Variants in KCNH3 observed in about 807,000 individuals in gnomAD.
KCNH3 encodes voltage-gated inwardly rectifying potassium channel KCNH3.
KCNH3 carries 36 observed loss-of-function variants against 95.6 expected under a neutral mutation model. The ratio of observed to expected loss-of-function variants is 0.38; its 90% confidence interval spans 0.29 to 0.50. The LOEUF (loss-of-function observed/expected upper bound fraction) is 0.50. Among genes scored for constraint, KCNH3 ranks in the 20% least tolerant of loss-of-function variants. The pLI is 0.95. For synonymous variants in KCNH3, 620 were observed against 646.3 expected, an observed-to-expected ratio of 0.96 and a Z score of 0.62; for missense variants, 1,030 against 1,484.1, an observed-to-expected ratio of 0.69 and a Z score of 5.03.
chr12:49,542,979 G>A, intron 4 of KCNH3, 140 bp downstream of exon 4: 2 of 1,181,788 alleles, frequency 1.7e-6, no homozygotes, highest in African/African-American at 1.5e-5. Context: ...GACTGAAGGA[G>A]GGAAGATCAC....
chr12:49,550,043 T>TAG, intron 9 of KCNH3, 37 bp from the exon 10 acceptor site: 29 of 1,299,506 alleles, frequency 2.2e-5, no homozygotes, highest in Non-Finnish European at 2.6e-5. Flanking sequence ...CTTCTGCCAC[T>TAG]CCCAACCCCC....
chr12:49,543,135 T>C, intron 4 of KCNH3, 140 bp from the exon 5 acceptor site: 2 of 963,006 alleles, frequency 2.1e-6, no homozygotes, highest in Non-Finnish European at 3.1e-6. Flanking sequence ...AAAATGGAGA[T>C]GCTAATGCCA....
chr12:49,548,368 C>G (rs956740705), intron 7 of KCNH3, among the ~76,000 whole-genome samples: 3 of 152,110 alleles, frequency 2.0e-5, no homozygotes, highest in African/African-American at 7.2e-5. Flanking sequence ...GTGTGCATGT[C>G]CATGCAGGCG....
rs1937790866 is a variant in KCNH3, at chr12:49,539,406, G to C, written c.-11G>C. 6.5e-7 allele frequency: 1 copy of C among 1,539,536 alleles called. No homozygotes were observed. Among genetic ancestry groups the C allele is most frequent in the East Asian group, 2.7e-5 (1 of 37,020 alleles). On this transcript the variant is annotated 5_prime_UTR_variant, in exon 1 of 15. Coordinates refer to ENST00000257981, the MANE Select transcript of KCNH3 (RefSeq NM_012284.3). The surrounding 1 kb of genome is among the most constrained non-coding windows in gnomAD (Gnocchi z 6.7). ...CCGGAGGGATGGGGCGGGCAGCCGC[G>C]GGCGCCTAAGATGCCGGCCATGCGG...
chr12:49,554,285 T>G (rs1286109757), intron 10 of KCNH3, 52 bp from the exon 11 acceptor site: 2 of 1,455,288 alleles, frequency 1.4e-6, no homozygotes, highest in Non-Finnish European at 1.9e-6. Context: ...CCCTCTTCTC[T>G]CCTCATGGCT....
At position 49,551,106 on chromosome 12, in the gene KCNH3, C is replaced by A. The variant is rs552153454; in HGVS notation, c.1918+777C>A. Among the ~76,000 whole-genome samples, 6 of 152,306 alleles carry A rather than the reference C, an allele frequency of 3.9e-5. No homozygotes were observed. The East Asian group carries it at 1.2e-3, about 29-fold the overall frequency. ...GGAATCGGCCAGCCGGGGCTGGAGC[C>A]CCATCCACCTGGCGCCAAGTCTCAT... is the stretch of plus-strand genomic sequence containing the variant. On this transcript the variant is annotated intron_variant, in intron 10 of 14. Transcript: ENST00000257981.
intron 10 of KCNH3, among the ~76,000 whole-genome samples, chr12:49,552,217 G>A (rs181637556): frequency 7.2e-5 from 11 of 152,336 alleles, no homozygotes; most frequent in African/African-American, 2.2e-4. Flanking sequence ...GCCTGGAGCC[G>A]AGGGAGTTGT....
intron 10 of KCNH3, among the ~76,000 whole-genome samples, chr12:49,550,671 A>C (rs1367424048): frequency 6.6e-6 from 1 of 152,132 alleles, no homozygotes; most frequent in East Asian, 1.9e-4. Flanking sequence ...GGAGAGTGTC[A>C]GGCAGGGCTA....
intron 7 of KCNH3, among the ~76,000 whole-genome samples, chr12:49,548,501 T>C (rs1261761110): frequency 6.6e-6 from 1 of 151,074 alleles, no homozygotes; most frequent in Non-Finnish European, 1.5e-5. Context: ...GGAAGAGGAG[T>C]CCCGTTGGAC....
chr12:49,553,069 G>A (rs1418340708), intron 10 of KCNH3, among the ~76,000 whole-genome samples: 1 of 152,142 alleles, frequency 6.6e-6, no homozygotes, highest in Non-Finnish European at 1.5e-5. Flanking sequence ...ACTGCCTGGC[G>A]GTGGTTGAGC....
At chr12:49,547,902 T>C (rs1011472853) in intron 7 of KCNH3, among the ~76,000 whole-genome samples, 1 of 152,120 alleles carries the variant, frequency 6.6e-6, no homozygotes, top group Non-Finnish European at 1.5e-5. Flanking sequence ...AGGACCTCTG[T>C]GGATCTTGGG....
intron 3 of KCNH3, among the ~76,000 whole-genome samples, chr12:49,542,293 T>C (rs899114660): frequency 2.6e-5 from 4 of 152,188 alleles, no homozygotes; most frequent in African/African-American, 9.7e-5. Context: ...TGCCTCTCCA[T>C]GATGTCAGCC....
chr12:49,542,746 C>T lies in KCNH3; in HGVS notation c.486C>T (p.Gly162=). The T allele has an allele frequency of 1.3e-6, 2 of 1,589,506 alleles. No homozygotes were observed. The highest frequency in any genetic ancestry group is 2.3e-5 in the South Asian group (2 of 87,080). Residue 162 remains glycine (G), a synonymous_variant, in exon 4 of 15, where the codon GGC becomes GGT. Transcript: ENST00000257981. The stretch of plus-strand genomic sequence containing the variant: ...GATATGGCCGGGCACGATCCAAAGG[C>T]TTCAATGCCAACCGGCGGCGGAGCC... ...RRRYGRARSK[G]FNANRRRSRA...
chr12:49,557,978 GC>G lies in KCNH3; in HGVS notation c.*27del. 1.4e-6 allele frequency: 2 copies of G among 1,450,514 alleles called. No individual in the cohort carries two copies. Among genetic ancestry groups the G allele is most frequent in the Non-Finnish European group, 1.8e-6 (2 of 1,098,068 alleles). 89.9% of individuals were successfully genotyped at this position (1,450,514 alleles called of 1,614,324 possible). A position where few individuals can be genotyped will look rare whatever the true frequency, so the allele number is the denominator to read the frequency against. On this transcript the variant is annotated 3_prime_UTR_variant, in exon 15 of 15. Transcript: ENST00000257981. The stretch of plus-strand genomic sequence containing the variant: ...AGTACCAGCCCTAGAACTCAGCGTT[GC>G]CAGGTGTGCTGCCATCTGCTGTTCG...
chr12:49,556,822 G>A (rs768657430), intron 13 of KCNH3: 7 of 645,300 alleles, frequency 1.1e-5, no homozygotes, highest in African/African-American at 5.3e-5. Context: ...CTGGCTAACT[G>A]AAGGGATAGA....
rs1938369258 is a variant in KCNH3, at chr12:49,554,603, CTGG to C, written c.2136+52_2136+54del. 3 of 1,515,244 alleles carry C rather than the reference CTGG, an allele frequency of 2.0e-6. No individual in the cohort carries two copies. In the East Asian group the frequency reaches 6.8e-5, roughly 34 times the overall value. The allele number at this position is 1,515,244 out of a possible 1,614,324, so 93.9% of individuals were successfully genotyped here. A position where few individuals can be genotyped will look rare whatever the true frequency, so the allele number is the denominator to read the frequency against. On this transcript the variant is annotated intron_variant, in intron 11 of 14. Transcript: ENST00000257981. ...GGAGGGGATGGGGGTGCCAGGGAGC[CTGG>C]TGAAGTGGGCAGAGGCTGGGGATGG...
intron 10 of KCNH3, among the ~76,000 whole-genome samples, chr12:49,551,293 G>A (rs951272679): frequency 6.6e-6 from 1 of 152,142 alleles, no homozygotes; most frequent in Non-Finnish European, 1.5e-5. Context: ...AGCCACTAAA[G>A]GACCGGGCGC....
rs998232899 is a variant in KCNH3 at position 49,558,050 on chromosome 12, C to T, written c.*97C>T. 3 of 1,340,376 alleles carry T rather than the reference C, an allele frequency of 2.2e-6. No individual in the cohort carries two copies. Among genetic ancestry groups the T allele is most frequent in the Non-Finnish European group, 2.0e-6 (2 of 1,022,348 alleles). The allele number at this position is 1,340,376 out of a possible 1,614,324, so 83.0% of individuals were successfully genotyped here. On this transcript the variant is annotated 3_prime_UTR_variant, in exon 15 of 15. Coordinates refer to ENST00000257981, the MANE Select transcript of KCNH3 (RefSeq NM_012284.3). Reference sequence around the variant, plus strand: ...CAGGGTGGCAGCCTCCCCACGGACTCCATGCGGCCCGCTGGCTCAGGGCAG... The same window carrying T: ...CAGGGTGGCAGCCTCCCCACGGACTTCATGCGGCCCGCTGGCTCAGGGCAG...
chr12:49,558,004 G>A lies in KCNH3; in HGVS notation c.*51G>A, dbSNP rs772878153. 12 of 1,431,038 alleles carry A rather than the reference G, an allele frequency of 8.4e-6. No individual in the cohort carries two copies. In the East Asian group the frequency reaches 9.6e-5, roughly 11 times the overall value. 88.6% of individuals were successfully genotyped at this position (1,431,038 alleles called of 1,614,324 possible). ...CCAGGTGTGCTGCCATCTGCTGTTC[G>A]GCCCAACCTCAGAGTGAAGGCAGGG... On this transcript the variant is annotated 3_prime_UTR_variant, in exon 15 of 15. Coordinates refer to ENST00000257981, the MANE Select transcript of KCNH3 (RefSeq NM_012284.3).
Sources: gnomAD v4.1 joint callset for allele counts (sites outside exome capture counted in the v4.1 genomes callset) on GRCh38, gnomAD v4.1.1 for gene constraint, Gnocchi (gnomAD v3.1) non-coding constraint, MANE v1.5 for transcripts, NCBI Gene and HGNC (gene_info 2026-07-23, HGNC 2026-07-21) for gene names.